Variants in SLC28A3 observed in about 807,000 individuals in gnomAD.
SLC28A3 encodes solute carrier family 28 member 3, also known as concentrative Na(+)-nucleoside cotransporter 3.
A neutral mutation model predicts 84.2 loss-of-function variants in SLC28A3; 68 were observed. The ratio of observed to expected loss-of-function variants is 0.81; its 90% CI spans 0.66 to 0.99. The LOEUF (loss-of-function observed/expected upper bound fraction) is 0.99. SLC28A3 is among the 50% of genes least tolerant of loss of function. SLC28A3 has a pLI of 0.00. For synonymous variants in SLC28A3, 267 were observed against 303.6 expected, an observed-to-expected ratio of 0.88 and a Z score of 1.25; for missense variants, 712 against 841.5, an observed-to-expected ratio of 0.85 and a Z score of 1.90.
Position 84,292,730 on chromosome 9 carries a change from C to T in SLC28A3, c.961G>A (p.Val321Ile). ...TCAATAGGAGATGATCCCGTAGTAACTAGCATGATCCATCCAACCTAAAAG... is the reference window on the plus strand; with the variant it reads ...TCAATAGGAGATGATCCCGTAGTAATTAGCATGATCCATCCAACCTAAAAG... ...IIRKVGWIML[V>I]TTGSSPIESV... The change falls in exon 10 of 18, where the codon GTT becomes ATT. Residue 321 changes from valine to isoleucine, a missense_variant. Physicochemically the swap from Val to Ile is conservative, Grantham distance 29. Transcript: ENST00000376238. 3 of 1,581,692 alleles carry T rather than the reference C, an allele frequency of 1.9e-6. No homozygotes were observed. The highest frequency in any genetic ancestry group is 2.6e-6 in the Non-Finnish European group (3 of 1,168,420).
At chr9:84,352,209 A>T in the SLC28A3 span, among the ~76,000 whole-genome samples, 2 of 152,008 alleles carry the variant, frequency 1.3e-5, no homozygotes, top group Non-Finnish European at 2.9e-5. Flanking sequence ...TTTAAGACAG[A>T]GTCTCGCACT....
At chr9:84,363,159 A>C in the SLC28A3 span, among the ~76,000 whole-genome samples, 1 of 151,996 alleles carries the variant, frequency 6.6e-6, no homozygotes, top group Non-Finnish European at 1.5e-5. Flanking sequence ...AAGCTATGGA[A>C]CATGATGAAA....
chr9:84,309,765 A>G (rs374687297), intron 2 of SLC28A3, 51 bp from the exon 3 acceptor site: 173 of 1,508,528 alleles, frequency 1.1e-4, no homozygotes, highest in Non-Finnish European at 1.5e-4. Flanking sequence ...TCCTGGGCAT[A>G]ATGGACCCTG....
chr9:84,340,807 G>T, upstream of SLC28A3: 1 of 622,458 alleles, frequency 1.6e-6, no homozygotes, highest in Non-Finnish European at 2.8e-6. Context: ...ACACCTGGTT[G>T]GGGTGGGGCA....
At chr9:84,359,827 C>A in the SLC28A3 span, among the ~76,000 whole-genome samples, 4 of 151,820 alleles carry the variant, frequency 2.6e-5, no homozygotes, top group African/African-American at 9.7e-5. Flanking sequence ...GTGGTGAAAC[C>A]GTGTTTCTAC....
intron 2 of SLC28A3, among the ~76,000 whole-genome samples, chr9:84,311,084 G>A (rs1302855614): frequency 3.3e-5 from 5 of 152,018 alleles, no homozygotes; most frequent in Admixed American, 2.0e-4. Flanking sequence ...AGAGAGTTGT[G>A]TTTACTCTTT....
At chr9:84,361,858 G>A in the SLC28A3 span, among the ~76,000 whole-genome samples, 1 of 151,988 alleles carries the variant, frequency 6.6e-6, no homozygotes, top group Non-Finnish European at 1.5e-5. Context: ...GTTACAGTGA[G>A]CAATTGCGCC....
At chr9:84,325,212 A>G (rs564903010) in intron 1 of SLC28A3, among the ~76,000 whole-genome samples, 1 of 151,912 alleles carries the variant, frequency 6.6e-6, no homozygotes, top group South Asian at 2.1e-4. Context: ...TATTTTTTTA[A>G]TGGAGTCCTG....
chr9:84,288,054 T>A lies in SLC28A3; in HGVS notation c.1274A>T (p.Glu425Val). ...KITLKNAMKM[E>V]SGDSGNLLEA... ...GTGAATGTGTCACACTTACCCACTT[T>A]CCATTTTCATGGCATTCTTGAGGGT... is the stretch of plus-strand genomic sequence containing the variant. Residue 425 changes from glutamate to valine, a missense_variant, in exon 12 of 18, where the codon GAA becomes GTA. Coordinates refer to ENST00000376238, the MANE Select transcript of SLC28A3 (RefSeq NM_001199633.2). 1 of 1,613,974 alleles carries A rather than the reference T, an allele frequency of 6.2e-7. No individual in the cohort carries two copies. The highest frequency in any genetic ancestry group is 8.5e-7 in the Non-Finnish European group (1 of 1,179,884).
At chr9:84,291,803 CGTTCATACCTG>C (rs1825233433) in intron 10 of SLC28A3, among the ~76,000 whole-genome samples, 1 of 152,132 alleles carries the variant, frequency 6.6e-6, no homozygotes, top group Admixed American at 6.5e-5. Context: ...TGCTGGCAAG[CGTTCATACCTG>C]GTTTTCGTGG....
chr9:84,343,488 T>G (rs1047532456), upstream of SLC28A3, among the ~76,000 whole-genome samples: 1 of 152,024 alleles, frequency 6.6e-6, no homozygotes, highest in African/African-American at 2.4e-5. Context: ...TGCAGGAACC[T>G]GTGGTCTGGG....
At chr9:84,283,264 G>T (rs1433761922) in intron 14 of SLC28A3, among the ~76,000 whole-genome samples, 1 of 152,252 alleles carries the variant, frequency 6.6e-6, no homozygotes, top group Admixed American at 6.5e-5. Context: ...CACCGTACTA[G>T]AAAAATATTA....
At chr9:84,343,113 A>C (rs1390744329), upstream of SLC28A3, among the ~76,000 whole-genome samples, 1 of 151,498 alleles carries the variant, frequency 6.6e-6, no homozygotes, top group Non-Finnish European at 1.5e-5. Flanking sequence ...TGGTGAGTCG[A>C]GTGGAGGTTG....
the SLC28A3 span, among the ~76,000 whole-genome samples, chr9:84,359,352 T>C: frequency 6.6e-6 from 1 of 152,218 alleles, no homozygotes; most frequent in Non-Finnish European, 1.5e-5. Context: ...ACACAAATCC[T>C]AAACACACAG....
chr9:84,356,451 T>C, the SLC28A3 span, among the ~76,000 whole-genome samples: 1 of 152,202 alleles, frequency 6.6e-6, no homozygotes, highest in African/African-American at 2.4e-5. Context: ...GACTATCTGC[T>C]AAATCCCTGG....
At chr9:84,345,358 A>G (rs1827232275), upstream of SLC28A3, among the ~76,000 whole-genome samples, 2 of 152,216 alleles carry the variant, frequency 1.3e-5, no homozygotes, top group South Asian at 2.1e-4. Context: ...GCAACCTGAT[A>G]TTAAAACCTT....
chr9:84,299,547 A>G (rs767770762), intron 6 of SLC28A3, 34 bp downstream of exon 6: 2 of 1,611,630 alleles, frequency 1.2e-6, no homozygotes, highest in Non-Finnish European at 8.5e-7. Context: ...GGAGAAAAAG[A>G]AAAAAGAACC....
intron 6 of SLC28A3, among the ~76,000 whole-genome samples, chr9:84,299,071 A>T (rs140965244): frequency 6.6e-6 from 1 of 152,186 alleles, no homozygotes; most frequent in Non-Finnish European, 1.5e-5. Flanking sequence ...TGAGTTACAT[A>T]TGAGAGATTT....
the SLC28A3 span, among the ~76,000 whole-genome samples, chr9:84,347,001 G>A: frequency 0.054 from 8,204 of 151,926 alleles, 446 homozygotes; most frequent in East Asian, 0.17. Flanking sequence ...ATGGTAAAAT[G>A]CTGTCCCTAC....
Sources: allele counts gnomAD v4.1 joint callset (sites outside exome capture counted in the v4.1 genomes callset), GRCh38; gene constraint gnomAD v4.1.1; transcripts MANE v1.5; gene names NCBI Gene and HGNC (gene_info 2026-07-23, HGNC 2026-07-21).